Variants in AMDHD1 observed in about 807,000 individuals in gnomAD.
The protein encoded by AMDHD1 is probable imidazolonepropionase.
A neutral mutation model predicts 44.1 loss-of-function variants in AMDHD1; 45 were observed. The observed-to-expected ratio is 1.02, with a 90% CI of 0.80 to 1.31. AMDHD1 has a LOEUF of 1.31. Among genes scored for constraint, AMDHD1 ranks in the 50% most tolerant of loss-of-function variants. The pLI is 0.00. For synonymous variants in AMDHD1, 206 were observed against 205.0 expected, an observed-to-expected ratio of 1.00 and a Z score of -0.04; for missense variants, 586 against 552.1, an observed-to-expected ratio of 1.06 and a Z score of -0.61.
intron 1 of AMDHD1, among the ~76,000 whole-genome samples, chr12:95,943,790 C>T (rs139016859): frequency 1.1e-4 from 17 of 152,322 alleles, no homozygotes; most frequent in South Asian, 2.1e-4. Flanking sequence ...TATCACTGTC[C>T]AACCATCAGA....
At chr12:95,957,407 T>C (rs931225613) in intron 4 of AMDHD1, among the ~76,000 whole-genome samples, 7 of 152,260 alleles carry the variant, frequency 4.6e-5, no homozygotes, top group African/African-American at 1.7e-4. Context: ...ACATTTTTGT[T>C]TTGTTGTTGT....
intron 8 of AMDHD1, 115 bp from the exon 9 acceptor site, chr12:95,967,641 T>C: frequency 1.3e-6 from 1 of 775,012 alleles, no homozygotes; most frequent in Non-Finnish European, 2.0e-6. Context: ...TACCATTGAC[T>C]GGGTGTAAAT....
intron 1 of AMDHD1, among the ~76,000 whole-genome samples, chr12:95,946,188 G>A (rs538634380): frequency 8.5e-5 from 13 of 152,062 alleles, no homozygotes; most frequent in Middle Eastern, 3.4e-3. Flanking sequence ...CTAAAACCTA[G>A]ATGAAAATGT....
At chr12:95,960,683 G>A in intron 5 of AMDHD1, 60 bp downstream of exon 5, 1 of 1,505,336 alleles carries the variant, frequency 6.6e-7, no homozygotes, top group Non-Finnish European at 9.1e-7. Flanking sequence ...TCATGCTATG[G>A]GAAACTTAAT....
At chr12:95,958,067 TA>T (rs553007487) in intron 4 of AMDHD1, among the ~76,000 whole-genome samples, 208 of 140,694 alleles carry the variant, frequency 1.5e-3, no homozygotes, top group Middle Eastern at 0.011. Context: ...AATATATATA[TA>T]TTTTTTTAAT....
chr12:95,962,259 G>C, intron 5 of AMDHD1, 96 bp from the exon 6 acceptor site: 1 of 1,442,874 alleles, frequency 6.9e-7, no homozygotes, highest in Non-Finnish European at 9.1e-7. Flanking sequence ...GCAAGACTCC[G>C]TCTCAAAAAT....
At chr12:95,952,105 AT>A (rs761748509) in intron 1 of AMDHD1, among the ~76,000 whole-genome samples, 1 of 152,010 alleles carries the variant, frequency 6.6e-6, no homozygotes, top group Non-Finnish European at 1.5e-5. Flanking sequence ...CCATTTGTCC[AT>A]TTTTGGCTTG....
chr12:95,955,279 G>A (rs10507070), intron 3 of AMDHD1, among the ~76,000 whole-genome samples: 16,915 of 152,100 alleles, frequency 0.11, 1,262 homozygotes, highest in Non-Finnish European at 0.17. Context: ...TTTGAAAATT[G>A]CCATTCATTG....
At chr12:95,954,560 C>T (rs1021129144) in intron 2 of AMDHD1, among the ~76,000 whole-genome samples, 2 of 111,838 alleles carry the variant, frequency 1.8e-5, no homozygotes, top group African/African-American at 7.9e-5. Context: ...AGAGTGAGAA[C>T]CTTTCTCAAA....
chr12:95,959,071 A>G (rs538422555), intron 4 of AMDHD1, among the ~76,000 whole-genome samples: 24 of 152,110 alleles, frequency 1.6e-4, no homozygotes, highest in South Asian at 4.1e-4. Context: ...AGAAGAAAAA[A>G]AAAAGAAAAG....
intron 1 of AMDHD1, among the ~76,000 whole-genome samples, chr12:95,948,458 G>A: frequency 1.4e-5 from 1 of 71,482 alleles, no homozygotes; most frequent in African/African-American, 5.9e-5. Context: ...GAGCCCCTCT[G>A]CCCGGCCAGC....
At chr12:95,956,608 G>C in intron 3 of AMDHD1, 77 bp from the exon 4 acceptor site, 1 of 1,558,274 alleles carries the variant, frequency 6.4e-7, no homozygotes, top group Non-Finnish European at 8.7e-7. Flanking sequence ...ATATAATATT[G>C]CCCCTGGAAG....
rs144127287 is a variant in AMDHD1 at position 95,960,544 on chromosome 12, G to C, written c.734G>C (p.Arg245Thr). The change falls in exon 5 of 9, where the codon AGG becomes ACG. Residue 245 changes from arginine (R) to threonine (T), a missense_variant. Transcript: ENST00000266736. ...KGVFDLDSTR[R>T]ILQRGKDIGL... The stretch of plus-strand genomic sequence containing the variant: ...GTCTTTGATCTCGATTCCACCAGAA[G>C]GATTCTTCAACGTGGAAAAGATATA... 6 of 1,614,068 alleles carry C rather than the reference G, an allele frequency of 3.7e-6. No homozygotes were observed. The African/African-American group carries it at 8.0e-5, about 22-fold the overall frequency.
In AMDHD1 at chr12:95,958,059, T is replaced by A. The variant is rs190993679; in HGVS notation, c.587+1097T>A. On this transcript the variant is annotated intron_variant, in intron 4 of 8. Transcript: ENST00000266736. Reference sequence around the variant, plus strand: ...CAGAGCAAAACTCTATCTCAAAAAATATATATATATTTTTTTAATTGACAA... The same window carrying A: ...CAGAGCAAAACTCTATCTCAAAAAAAATATATATATTTTTTTAATTGACAA... 5.8e-3 allele frequency among the ~76,000 whole-genome samples: 854 copies of A among 147,402 alleles called. 3 individuals carry two copies. Among genetic ancestry groups the A allele is most frequent in the Middle Eastern group, 0.017 (5 of 288 alleles).
chr12:95,944,624 C>T (rs1485186267), intron 1 of AMDHD1, among the ~76,000 whole-genome samples: 10 of 151,956 alleles, frequency 6.6e-5, no homozygotes, highest in Admixed American at 6.6e-5. Flanking sequence ...ACTGTGTTGC[C>T]CAGGCTGGTC....
intron 5 of AMDHD1, among the ~76,000 whole-genome samples, chr12:95,961,462 A>G (rs1310358534): frequency 6.6e-6 from 1 of 152,226 alleles, no homozygotes; most frequent in Non-Finnish European, 1.5e-5. Flanking sequence ...CAAAGTCCCT[A>G]CAATCATGAG....
intron 1 of AMDHD1, among the ~76,000 whole-genome samples, chr12:95,950,878 A>C (rs2080522606): frequency 6.6e-6 from 1 of 151,624 alleles, no homozygotes; most frequent in Non-Finnish European, 1.5e-5. Flanking sequence ...ACTAGTGTAA[A>C]AAAGGGAACA....
chr12:95,948,051 T>G (rs1319779594), intron 1 of AMDHD1, among the ~76,000 whole-genome samples: 2 of 24,600 alleles, frequency 8.1e-5, no homozygotes, highest in Admixed American at 5.4e-4. Context: ...GGGTCAGCCC[T>G]CCGCCCGGCC....
At chr12:95,960,330 C>T in intron 4 of AMDHD1, 68 bp from the exon 5 acceptor site, 2 of 1,411,568 alleles carry the variant, frequency 1.4e-6, no homozygotes, top group Non-Finnish European at 2.0e-6. Flanking sequence ...CTTCAAGTGC[C>T]AGATTACCCT....
Sources: gnomAD v4.1 joint callset for allele counts (sites outside exome capture counted in the v4.1 genomes callset) on GRCh38, gnomAD v4.1.1 for gene constraint, MANE v1.5 for transcripts, NCBI Gene and HGNC (gene_info 2026-07-23, HGNC 2026-07-21) for gene names.